PSME4: variants seen among roughly 807,000 people sequenced by gnomAD.
PSME4 encodes proteasome activator subunit 4.
PSME4 carries 89 observed loss-of-function variants against 253.9 expected under a neutral mutation model. The ratio of observed to expected loss-of-function variants is 0.35; its 90% CI spans 0.30 to 0.42. The LOEUF (loss-of-function observed/expected upper bound fraction) is 0.42, where lower values mean the gene tolerates loss of function less well. Ranked by LOEUF, PSME4 falls within the 10% of genes least tolerant of loss-of-function variation. PSME4 has a pLI of 1.00. For synonymous variants in PSME4, 851 were observed against 759.2 expected (o/e 1.12, Z -1.99); for missense variants, 2,014 against 2,195.2 (o/e 0.92, Z 1.65).
chr2:53,892,256 A>G (rs1430784952), intron 36 of PSME4, among the ~76,000 whole-genome samples: 4 of 152,210 alleles, frequency 2.6e-5, no homozygotes, highest in African/African-American at 9.6e-5. Flanking sequence ...TGGTCCTGAC[A>G]TTTGACCAGG....
At chr2:53,929,777 G>C (rs1210078180) in intron 10 of PSME4, among the ~76,000 whole-genome samples, 1 of 152,018 alleles carries the variant, frequency 6.6e-6, no homozygotes, top group Admixed American at 6.5e-5. Context: ...CAGCACTTTG[G>C]GAGGCCAAGG....
intron 41 of PSME4, among the ~76,000 whole-genome samples, chr2:53,878,940 A>G (rs2104416692): frequency 6.6e-6 from 1 of 152,312 alleles, no homozygotes; most frequent in Middle Eastern, 3.4e-3. Flanking sequence ...CCCTATTCAT[A>G]TACTGCCTCC....
In PSME4 at chr2:53,908,045, G is replaced by C; in HGVS notation, c.2784+275C>G. 8.9e-6 allele frequency: 3 copies of C among 338,624 alleles called. No individual in the cohort carries two copies. The South Asian group carries it at 1.7e-4, about 20-fold the overall frequency. The allele number at this position is 338,624 out of a possible 1,614,324, so 21.0% of individuals were successfully genotyped here. On this transcript the variant is annotated intron_variant, in intron 24 of 46. Coordinates refer to ENST00000404125, the MANE Select transcript of PSME4 (RefSeq NM_014614.3). ...TCCTCCTATTTTTAAATTCCTTCAA[G>C]TTCTTACAAGGTAGTCTCAATGCTA...
intron 44 of PSME4, 50 bp downstream of exon 44, chr2:53,869,325 AC>A (rs1247666437): frequency 2.7e-6 from 4 of 1,495,572 alleles, no homozygotes; most frequent in Non-Finnish European, 3.7e-6. Context: ...AGCCTGGTTA[AC>A]CCTCATTAAT....
chr2:53,909,780 G>A (rs770676747), intron 21 of PSME4, among the ~76,000 whole-genome samples: 11 of 152,190 alleles, frequency 7.2e-5, no homozygotes, highest in Admixed American at 4.6e-4. Flanking sequence ...TGGCCACCAC[G>A]GTGAAACTCT....
chr2:53,897,315 G>A (rs1169953897), intron 31 of PSME4, among the ~76,000 whole-genome samples: 3 of 151,944 alleles, frequency 2.0e-5, no homozygotes, highest in South Asian at 2.1e-4. Flanking sequence ...GATTACAGGC[G>A]TGTGCCACCA....
At chr2:53,949,668 T>G (rs1369272524) in intron 1 of PSME4, among the ~76,000 whole-genome samples, 1 of 152,112 alleles carries the variant, frequency 6.6e-6, no homozygotes, top group African/African-American at 2.4e-5. Context: ...ACTGTGTAGG[T>G]ATCCAAAGTA....
intron 27 of PSME4, among the ~76,000 whole-genome samples, chr2:53,903,616 C>T (rs1212765049): frequency 6.6e-6 from 1 of 152,120 alleles, no homozygotes; most frequent in African/African-American, 2.4e-5. Flanking sequence ...TCACACTGGT[C>T]ATACTACTCT....
intron 28 of PSME4, among the ~76,000 whole-genome samples, chr2:53,900,601 A>G (rs1680351583): frequency 6.6e-6 from 1 of 152,194 alleles, no homozygotes. Context: ...TGAATATTCT[A>G]CTGTGCATAT....
At chr2:53,880,373 T>C (rs1364566533) in intron 41 of PSME4, among the ~76,000 whole-genome samples, 9 of 151,674 alleles carry the variant, frequency 5.9e-5, no homozygotes, top group Non-Finnish European at 1.0e-4. Flanking sequence ...GGTGGGAGGA[T>C]TGCTTGAGCC....
In PSME4 at chr2:53,908,831, C is replaced by A. The variant is rs149108636; in HGVS notation, c.2582G>T (p.Arg861Leu). 66 of 1,587,226 alleles carry A rather than the reference C, an allele frequency of 4.2e-5. No homozygotes were observed. Among genetic ancestry groups the A allele is most frequent in the South Asian group, 4.0e-4 (36 of 89,288 alleles). The change falls in exon 22 of 47, where the codon CGA (arginine) becomes CTA (leucine). Residue 861 changes from arginine (R) to leucine (L), a missense_variant. By Grantham distance (102) the Arg-to-Leu change is moderately radical. This residue lies in a region of PSME4 where 989 missense variants were observed against 1,021.1 expected (regional missense o/e 0.97). Coordinates refer to ENST00000404125, the MANE Select transcript of PSME4 (RefSeq NM_014614.3). ...AGCAATTACTTCTCGGTGGTTCTCT[C>A]GAGACAGATCTATTTTGAAAAAATA... ...LYTGLEYDLS[R>L]ENHREVIATV...
intron 41 of PSME4, among the ~76,000 whole-genome samples, chr2:53,877,366 T>A (rs1471040859): frequency 1.3e-5 from 2 of 151,420 alleles, no homozygotes; most frequent in African/African-American, 4.9e-5. Flanking sequence ...TGAGCTATGA[T>A]CACAGCACTG....
chr2:53,891,412 C>T (rs575534713), intron 36 of PSME4, among the ~76,000 whole-genome samples: 9 of 152,242 alleles, frequency 5.9e-5, no homozygotes, highest in Admixed American at 2.0e-4. Flanking sequence ...GCTGCAGGTC[C>T]ATGGACTGTA....
intron 19 of PSME4, 136 bp downstream of exon 19, chr2:53,920,057 A>G: frequency 1.3e-6 from 1 of 784,194 alleles, no homozygotes; most frequent in Non-Finnish European, 1.9e-6. Context: ...ATTATATTAA[A>G]TGATTTTCTA....
chr2:53,935,359 A>G (rs1466469681), intron 7 of PSME4, among the ~76,000 whole-genome samples: 2 of 152,162 alleles, frequency 1.3e-5, no homozygotes, highest in African/African-American at 4.8e-5. Context: ...AAGACACCAC[A>G]AGCAAAAGCA....
rs1179621312 is a variant in PSME4 at position 53,864,943 on chromosome 2, A to G, written c.*635T>C. ...AATCAGATTTCTTCACCAAACCCCCAATTTTTTAGCAACTGGCTCTATTCA... is the reference window on the plus strand; with the variant it reads ...AATCAGATTTCTTCACCAAACCCCCGATTTTTTAGCAACTGGCTCTATTCA... On this transcript the variant is annotated 3_prime_UTR_variant, in exon 47 of 47. Transcript: ENST00000404125. 1 of 152,600 alleles carries G rather than the reference A, an allele frequency of 6.6e-6. No individual in the cohort carries two copies. The highest frequency in any genetic ancestry group is 2.4e-5 in the African/African-American group (1 of 41,444). The allele number at this position is 152,600 out of a possible 1,614,324, so 9.5% of individuals were successfully genotyped here.
chr2:53,952,510 T>TCCAGCCTG lies in PSME4; in HGVS notation c.243-3235_243-3228dup, dbSNP rs111297439. Among the ~76,000 whole-genome samples, 14 of 152,250 alleles carry TCCAGCCTG rather than the reference T, an allele frequency of 9.2e-5. 1 individual carries two copies. Among genetic ancestry groups the TCCAGCCTG allele is most frequent in the African/African-American group, 3.4e-4 (14 of 41,556 alleles). On this transcript the variant is annotated intron_variant, in intron 1 of 46. Coordinates refer to ENST00000404125, the MANE Select transcript of PSME4 (RefSeq NM_014614.3). Reference sequence around the variant, plus strand: ...CTGAGCCGAGATGGTGCTAGAGTTCTCCAGCCTGGGCAACAGAGAGAGACT... The same window carrying TCCAGCCTG: ...CTGAGCCGAGATGGTGCTAGAGTTCTCCAGCCTGCCAGCCTGGGCAACAGAGAGAGACT...
At position 53,893,694 on chromosome 2, in the gene PSME4, G is replaced by A. The variant is rs774933375; in HGVS notation, c.4018C>T (p.Arg1340Ter). 1.2e-6 allele frequency: 2 copies of A among 1,610,046 alleles called. No homozygotes were observed. Among genetic ancestry groups the A allele is most frequent in the East Asian group, 2.2e-5 (1 of 44,594 alleles). The change falls in exon 35 of 47, where the codon CGA becomes TGA. Residue 1340 changes from arginine to a stop codon, truncating the protein, a stop_gained. Coordinates refer to ENST00000404125, the MANE Select transcript of PSME4 (RefSeq NM_014614.3). LOFTEE classifies it high-confidence loss of function. ...GTTACCTTAAAGAGGCAAAAACGTC[G>A]TGGATTAAACTTATCTTTTCCTTTT... ...DRKGKDKFNP[R>*]RFCLFKGIFR...
In PSME4 at chr2:53,932,668, C is replaced by A. The variant is rs1668893182; in HGVS notation, c.1050G>T (p.Leu350=). The change falls in exon 9 of 47, where the codon CTG becomes CTT. Residue 350 remains leucine (L), a splice_region_variant and synonymous_variant. Coordinates refer to ENST00000404125, the MANE Select transcript of PSME4 (RefSeq NM_014614.3). ...FYHPSNNGRW[L]NKLMKLLQRL... The stretch of plus-strand genomic sequence containing the variant: ...TATAATGCAAAACGAAGTTACTCAC[C>A]AGCCAGCGCCCATTATTTGAAGGAT... The A allele has an allele frequency of 6.2e-6, 10 of 1,609,410 alleles. No homozygotes were observed. Among genetic ancestry groups the A allele is most frequent in the Non-Finnish European group, 8.5e-6 (10 of 1,175,766 alleles).
Sources: gnomAD v4.1 joint callset for allele counts (sites outside exome capture counted in the v4.1 genomes callset) on GRCh38, gnomAD v4.1.1 for gene constraint, gnomAD v4.1.1 regional missense constraint, MANE v1.5 for transcripts, NCBI Gene and HGNC (gene_info 2026-07-23, HGNC 2026-07-21) for gene names.